PACS2: variants seen among roughly 807,000 people sequenced by gnomAD.
PACS2 encodes the protein PACS1-like protein.
A neutral mutation model predicts 113.0 loss-of-function variants in PACS2; 36 were observed. The observed-to-expected ratio is 0.32, with a 90% CI of 0.24 to 0.42. The LOEUF (loss-of-function observed/expected upper bound fraction) is 0.42, where lower values mean the gene tolerates loss of function less well. Ranked by LOEUF, PACS2 falls within the 10% of genes least tolerant of loss-of-function variation. The pLI is 1.00. For missense variants in PACS2, 1,015 were observed against 1,239.5 expected (o/e 0.82, Z 2.72); for synonymous variants, 589 against 536.1 (o/e 1.10, Z -1.36).
Position 105,380,118 on chromosome 14 carries a change from G to A in PACS2, c.1089G>A (p.Arg363=). The A allele has an allele frequency of 1.9e-6, 3 of 1,552,958 alleles. No individual in the cohort carries two copies. The highest frequency in any genetic ancestry group is 1.7e-6 in the Non-Finnish European group (2 of 1,148,034). ...VPEKTRSLGG[R]QPSDSVSDTV... Reference sequence around the variant, plus strand: ...AGAAGACGCGGTCCCTGGGAGGCAGGCAGCCGAGCGACAGTGTCTCTGACA... The same window carrying A: ...AGAAGACGCGGTCCCTGGGAGGCAGACAGCCGAGCGACAGTGTCTCTGACA... Residue 363 remains arginine, a synonymous_variant, in exon 11 of 25, where the codon AGG becomes AGA. Coordinates refer to ENST00000447393, the MANE Select transcript of PACS2 (RefSeq NM_001100913.3).
intron 1 of PACS2, among the ~76,000 whole-genome samples, chr14:105,307,812 A>G (rs936829205): frequency 6.6e-6 from 1 of 152,212 alleles, no homozygotes; most frequent in East Asian, 1.9e-4. Context: ...ACTGCTCAGA[A>G]GGCAAGTCCC....
chr14:105,320,039 G>A (rs587624484), intron 1 of PACS2, among the ~76,000 whole-genome samples: 5 of 152,230 alleles, frequency 3.3e-5, no homozygotes, highest in East Asian at 1.9e-4. Context: ...GTGCAGTGGC[G>A]TGATCTCAGC....
chr14:105,394,502 G>GGGTGGGCAGGCCGGGCA (rs1262360014), intron 24 of PACS2, 52 bp from the exon 25 acceptor site: 5 of 1,603,180 alleles, frequency 3.1e-6, no homozygotes. Flanking sequence ...CAGGTGGATA[G>GGGTGGGCAGGCCGGGCA]GGTGGGCAGG....
Position 105,317,298 on chromosome 14 carries a change from A to G in PACS2, c.119+2261A>G, listed in dbSNP as rs913209629. Among the ~76,000 whole-genome samples the G allele has an allele frequency of 6.6e-6, 1 of 151,968 alleles. No individual in the cohort carries two copies. Among genetic ancestry groups the G allele is most frequent in the African/African-American group, 2.4e-5 (1 of 41,386 alleles). On this transcript the variant is annotated intron_variant, in intron 1 of 24. Transcript: ENST00000447393. The surrounding 1 kb of genome is among the most constrained non-coding windows in gnomAD (Gnocchi z 4.2). ...CGTGCTGCTGTGGACATCGTGTGCC[A>G]GTCTTCTGCGTGTGTCTTTCTGGAT...
At position 105,348,631 on chromosome 14, in the gene PACS2, A is replaced by C. The variant is rs1555403182; in HGVS notation, c.207+51A>C. 7.5e-7 allele frequency: 1 copy of C among 1,337,850 alleles called. No homozygotes were observed. Among genetic ancestry groups the C allele is most frequent in the Non-Finnish European group, 1.1e-6 (1 of 933,522 alleles). The allele number at this position is 1,337,850 out of a possible 1,614,324, so 82.9% of individuals were successfully genotyped here. A position where few individuals can be genotyped will look rare whatever the true frequency, so the allele number is the denominator to read the frequency against. Reference sequence around the variant, plus strand: ...TGGCTGGGTGCTGTGTAGGCTTTCCATGTGCCTGGGAGACGAGTCAGGCGG... The same window carrying C: ...TGGCTGGGTGCTGTGTAGGCTTTCCCTGTGCCTGGGAGACGAGTCAGGCGG... On this transcript the variant is annotated intron_variant, in intron 2 of 24. Coordinates refer to ENST00000447393, the MANE Select transcript of PACS2 (RefSeq NM_001100913.3). This position sits in a 1 kb window ranked among gnomAD's most constrained non-coding sequence, Gnocchi z 6.4.
chr14:105,355,079 A>C lies in PACS2; in HGVS notation c.325A>C (p.Asn109His). 6.2e-7 allele frequency: 1 copy of C among 1,613,624 alleles called. No individual in the cohort carries two copies. The highest frequency in any genetic ancestry group is 8.5e-7 in the Non-Finnish European group (1 of 1,179,916). Residue 109 changes from asparagine (N) to histidine (H), a missense_variant, in exon 4 of 25, where the codon AAC (asparagine) becomes CAC (histidine). Transcript: ENST00000447393. This position sits in a 1 kb window ranked among gnomAD's most constrained non-coding sequence, Gnocchi z 4.1. ...QYPHFLKREG[N>H]KLQIMLQRRK... ...TCCTCACTTCTTGAAGAGGGAAGGC[A>C]ACAAGCTTCAGATCATGCTGCAGCG...
chr14:105,316,128 G>T lies in PACS2; in HGVS notation c.119+1091G>T, dbSNP rs141260195. 5.4e-4 allele frequency among the ~76,000 whole-genome samples: 82 copies of T among 152,336 alleles called. 1 individual carries two copies. In the East Asian group the frequency reaches 0.015, roughly 28 times the overall value. On this transcript the variant is annotated intron_variant, in intron 1 of 24. Transcript: ENST00000447393. ...ACAGTGGGGCTTGCCCTCCTGGAGCGCAGGGTTGGGACCTCGGGGCTTTGG... is the reference window on the plus strand; with the variant it reads ...ACAGTGGGGCTTGCCCTCCTGGAGCTCAGGGTTGGGACCTCGGGGCTTTGG...
chr14:105,348,765 C>G lies in PACS2; in HGVS notation c.207+185C>G. On this transcript the variant is annotated intron_variant, in intron 2 of 24. Coordinates refer to ENST00000447393, the MANE Select transcript of PACS2 (RefSeq NM_001100913.3). The surrounding 1 kb of genome is among the most constrained non-coding windows in gnomAD (Gnocchi z 6.4). ...CTCCTGGGTCCAGTCCTGTCCCGCA[C>G]AAGGGAGGCAGGCCCGGCCTTCTGG... 3.4e-6 allele frequency: 2 copies of G among 584,258 alleles called. No homozygotes were observed. Among genetic ancestry groups the G allele is most frequent in the Non-Finnish European group, 6.1e-6 (2 of 326,152 alleles). 36.2% of individuals were successfully genotyped at this position (584,258 alleles called of 1,614,324 possible).
chr14:105,364,382 T>G (rs1203462320), intron 4 of PACS2, among the ~76,000 whole-genome samples: 4,969 of 89,882 alleles, frequency 0.055, 640 homozygotes, highest in African/African-American at 0.21. Flanking sequence ...GCGTCCCGGG[T>G]GCGCGGTGGG....
intron 1 of PACS2, among the ~76,000 whole-genome samples, chr14:105,304,125 G>T (rs1270332606): frequency 2.0e-5 from 3 of 152,218 alleles, no homozygotes; most frequent in Non-Finnish European, 2.9e-5. Flanking sequence ...GGACAGTCAG[G>T]CTGTACAGGA....
intron 12 of PACS2, among the ~76,000 whole-genome samples, chr14:105,381,404 A>G (rs1235819469): frequency 2.6e-5 from 4 of 152,104 alleles, no homozygotes; most frequent in African/African-American, 9.7e-5. Context: ...AAAGACACAC[A>G]TACACCAGCT....
In PACS2 at chr14:105,391,784, C is replaced by T; in HGVS notation, c.2255+18C>T. The T allele has an allele frequency of 6.3e-7, 1 of 1,579,848 alleles. No homozygotes were observed. The highest frequency in any genetic ancestry group is 8.6e-7 in the Non-Finnish European group (1 of 1,164,580). ...TCCCCCAGGTAAAGGTGCCTCACGGCTCAGCACGTTTCACTTACCCGCCCC... is the reference window on the plus strand; with the variant it reads ...TCCCCCAGGTAAAGGTGCCTCACGGTTCAGCACGTTTCACTTACCCGCCCC... On this transcript the variant is annotated intron_variant, in intron 22 of 24. Coordinates refer to ENST00000447393, the MANE Select transcript of PACS2 (RefSeq NM_001100913.3).
chr14:105,392,460 G>T, intron 22 of PACS2, 159 bp from the exon 23 acceptor site: 1 of 633,842 alleles, frequency 1.6e-6, no homozygotes, highest in Non-Finnish European at 2.8e-6. Context: ...CTGGGCATGT[G>T]AACAGCTCCA....
intron 8 of PACS2, chr14:105,370,757 A>G (rs1202504269): frequency 1.3e-5 from 2 of 151,838 alleles, no homozygotes; most frequent in African/African-American, 2.4e-5. Flanking sequence ...ACAGGGTTTC[A>G]CCCTGTTGGC....
At chr14:105,394,404 C>G in intron 24 of PACS2, 150 bp from the exon 25 acceptor site, 2 of 1,455,994 alleles carry the variant, frequency 1.4e-6, no homozygotes, top group Non-Finnish European at 1.8e-6. Flanking sequence ...GCCCCCGAGT[C>G]CCTGAGGAAA....
chr14:105,384,514 C>A lies in PACS2; in HGVS notation c.1891+51C>A, dbSNP rs116529101. ...CACGCCACGGCGGGAGGAAGGGGCC[C>A]CGGTTTCCCCAGATGCTGTGCCCAG... On this transcript the variant is annotated intron_variant, in intron 17 of 24. Transcript: ENST00000447393. 6,724 of 1,189,446 alleles carry A rather than the reference C, an allele frequency of 5.7e-3. 314 individuals are homozygous for A. The African/African-American group carries it at 0.091, about 16-fold the overall frequency. The allele number at this position is 1,189,446 out of a possible 1,614,324, so 73.7% of individuals were successfully genotyped here.
At position 105,329,200 on chromosome 14, in the gene PACS2, A is replaced by G. The variant is rs2059217056; in HGVS notation, c.119+14163A>G. Among the ~76,000 whole-genome samples, 1 of 152,166 alleles carries G rather than the reference A, an allele frequency of 6.6e-6. No individual in the cohort carries two copies. Among genetic ancestry groups the G allele is most frequent in the African/African-American group, 2.4e-5 (1 of 41,434 alleles). ...AGGCAGCTGTGGAGCGAGGGTGTGT[A>G]CGGGAGCAGGATGGGCTGCACAGAA... is the stretch of plus-strand genomic sequence containing the variant. On this transcript the variant is annotated intron_variant, in intron 1 of 24. Coordinates refer to ENST00000447393, the MANE Select transcript of PACS2 (RefSeq NM_001100913.3). This position sits in a 1 kb window ranked among gnomAD's most constrained non-coding sequence, Gnocchi z 6.4.
intron 23 of PACS2, 88 bp from the exon 24 acceptor site, chr14:105,393,134 C>G: frequency 2.0e-6 from 2 of 999,698 alleles, no homozygotes; most frequent in Non-Finnish European, 3.2e-6. Context: ...AGCTGAGCCC[C>G]CAGTGCCTCC....
At chr14:105,385,738 C>CTGG in intron 19 of PACS2, 21 bp downstream of exon 19, 1 of 1,468,914 alleles carries the variant, frequency 6.8e-7, no homozygotes, top group Non-Finnish European at 9.1e-7. Context: ...GTGGGTCTGC[C>CTGG]TCCCACCCTG....
Sources: allele counts gnomAD v4.1 joint callset (sites outside exome capture counted in the v4.1 genomes callset), GRCh38; gene constraint gnomAD v4.1.1; non-coding constraint Gnocchi (gnomAD v3.1); transcripts MANE v1.5; gene names NCBI Gene and HGNC (gene_info 2026-07-23, HGNC 2026-07-21).